Variants in MTFR1 observed in about 807,000 individuals in gnomAD.
MTFR1 encodes the protein mitochondrial fission regulator 1.
A neutral mutation model predicts 38.8 loss-of-function variants in MTFR1; 28 were observed. That is an observed-to-expected ratio of 0.72 (90% confidence interval 0.53 to 0.99). The LOEUF (loss-of-function observed/expected upper bound fraction) is 0.99. Ranked by LOEUF, MTFR1 falls within the 50% of genes least tolerant of loss-of-function variation. The probability of loss-of-function intolerance (pLI) is 0.00; values close to 1 mark genes in which losing one functional copy is unlikely to be tolerated. For missense variants in MTFR1, 358 were observed against 395.5 expected (o/e 0.91, Z 0.81); for synonymous variants, 145 against 137.0 (o/e 1.06, Z -0.41).
At chr8:65,680,470 C>G (rs1240023515) in intron 2 of MTFR1, among the ~76,000 whole-genome samples, 1 of 152,110 alleles carries the variant, frequency 6.6e-6, no homozygotes, top group Non-Finnish European at 1.5e-5. Context: ...CAGCCCTGAA[C>G]CCCACACTGA....
At chr8:65,703,124 C>T (rs902394359) in intron 4 of MTFR1, among the ~76,000 whole-genome samples, 19 of 150,784 alleles carry the variant, frequency 1.3e-4, no homozygotes, top group Admixed American at 3.3e-4. Context: ...AAATATCAGG[C>T]CTGCATAATA....
At chr8:65,674,448 C>T (rs2129052071) in intron 2 of MTFR1, among the ~76,000 whole-genome samples, 1 of 151,522 alleles carries the variant, frequency 6.6e-6, no homozygotes, top group South Asian at 2.1e-4. Context: ...ACGATCTCTA[C>T]AAAAATTACA....
intron 3 of MTFR1, among the ~76,000 whole-genome samples, chr8:65,720,021 G>A (rs1806308387): frequency 6.6e-6 from 1 of 152,150 alleles, no homozygotes; most frequent in South Asian, 2.1e-4. Flanking sequence ...ATTTATAAAG[G>A]CAAAACTTAT....
intron 3 of MTFR1, among the ~76,000 whole-genome samples, chr8:65,729,329 G>T (rs1169917769): frequency 7.4e-6 from 1 of 134,246 alleles, no homozygotes; most frequent in African/African-American, 2.8e-5. Context: ...ATTTCCCATT[G>T]TAATGGTTAT....
At chr8:65,662,936 A>T (rs1021792869) in intron 1 of MTFR1, among the ~76,000 whole-genome samples, 2 of 141,940 alleles carry the variant, frequency 1.4e-5, no homozygotes, top group African/African-American at 5.3e-5. Context: ...CTGGCCAGCC[A>T]CCCCGTCCGG....
upstream of MTFR1, among the ~76,000 whole-genome samples, chr8:65,644,550 T>G (rs1808893941): frequency 6.6e-6 from 1 of 152,318 alleles, no homozygotes; most frequent in Non-Finnish European, 1.5e-5. Context: ...CACACGCCCC[T>G]CTCAGAGCTC....
At chr8:65,757,774 A>G (rs1195714767) in intron 3 of MTFR1, among the ~76,000 whole-genome samples, 1 of 151,956 alleles carries the variant, frequency 6.6e-6, no homozygotes, top group African/African-American at 2.4e-5. Context: ...GTGTGCCACC[A>G]CGCCCGGCTA....
At chr8:65,689,539 T>C (rs1211032894) in intron 3 of MTFR1, 1 of 1,248,810 alleles carries the variant, frequency 8.0e-7, no homozygotes, top group South Asian at 1.4e-5. Context: ...TCTCTTCACT[T>C]TTTTTTTCTT....
chr8:65,715,134 T>A (rs543465090), downstream of MTFR1, among the ~76,000 whole-genome samples: 4 of 152,328 alleles, frequency 2.6e-5, no homozygotes, highest in South Asian at 8.3e-4. Context: ...AATTTTGCAT[T>A]CTGTTCTGTA....
downstream of MTFR1, among the ~76,000 whole-genome samples, chr8:65,775,722 G>C (rs1809241618): frequency 2.0e-5 from 3 of 152,172 alleles, no homozygotes; most frequent in South Asian, 6.2e-4. Flanking sequence ...CCGCCTCCCA[G>C]GTTCGAGTGA....
chr8:65,728,748 T>C (rs987403990), intron 3 of MTFR1: 8 of 152,122 alleles, frequency 5.3e-5, no homozygotes, highest in African/African-American at 1.9e-4. Flanking sequence ...TGCAAAGGGG[T>C]TACATTCTTA....
At chr8:65,767,363 C>T (rs1808843123) in intron 3 of MTFR1, among the ~76,000 whole-genome samples, 1 of 152,204 alleles carries the variant, frequency 6.6e-6, no homozygotes, top group East Asian at 1.9e-4. Flanking sequence ...GTCCTTCTAT[C>T]AGGTTGAATA....
rs763599620 is a variant in MTFR1 at position 65,708,988 on chromosome 8, A to T, written c.946A>T (p.Met316Leu). ...TSERVLFGPHMLKPTGKMKAL... is the reference protein window; with the variant it reads ...TSERVLFGPHLLKPTGKMKAL... The stretch of plus-strand genomic sequence containing the variant: ...TGTTTGTTTCTAGTTTGGGCCACAC[A>T]TGTTGAAGCCAACAGGAAAAATGAA... The change falls in exon 8 of 8, where the codon ATG becomes TTG. Residue 316 changes from methionine to leucine, a missense_variant. Met to Leu is a conservative substitution (Grantham distance 15). Coordinates refer to ENST00000262146, the MANE Select transcript of MTFR1 (RefSeq NM_014637.4). 1 of 1,613,980 alleles carries T rather than the reference A, an allele frequency of 6.2e-7. No homozygotes were observed. Among genetic ancestry groups the T allele is most frequent in the East Asian group, 2.2e-5 (1 of 44,882 alleles).
intron 3 of MTFR1, among the ~76,000 whole-genome samples, chr8:65,764,667 T>C (rs191691442): frequency 6.6e-6 from 1 of 152,274 alleles, no homozygotes; most frequent in African/African-American, 2.4e-5. Context: ...TGAGATAAAC[T>C]AAGACAATAT....
upstream of MTFR1, among the ~76,000 whole-genome samples, chr8:65,644,396 T>TA (rs749002896): frequency 5.3e-5 from 8 of 152,194 alleles, no homozygotes; most frequent in Non-Finnish European, 8.8e-5. Context: ...AACAAAAGCT[T>TA]ACGACTCGCA....
At chr8:65,741,482 G>A (rs969496803) in intron 3 of MTFR1, among the ~76,000 whole-genome samples, 2 of 152,180 alleles carry the variant, frequency 1.3e-5, no homozygotes, top group East Asian at 1.9e-4. Context: ...ATTAATTGGA[G>A]CATTATTTGC....
At chr8:65,732,886 G>T (rs1035225844) in intron 3 of MTFR1, among the ~76,000 whole-genome samples, 3 of 150,316 alleles carry the variant, frequency 2.0e-5, no homozygotes, top group African/African-American at 7.4e-5. Flanking sequence ...ATCTTTTTTT[G>T]AATAAAAGAG....
chr8:65,734,131 GCTCA>G (rs990617191), intron 3 of MTFR1, among the ~76,000 whole-genome samples: 37 of 152,102 alleles, frequency 2.4e-4, no homozygotes, highest in African/African-American at 7.7e-4. Context: ...CCAAAATGGT[GCTCA>G]CTGTCTCTAC....
intron 4 of MTFR1, among the ~76,000 whole-genome samples, chr8:65,696,950 C>T (rs1002822475): frequency 2.1e-5 from 3 of 145,898 alleles, no homozygotes; most frequent in East Asian, 2.1e-4. Flanking sequence ...TGTGAGCCAC[C>T]GTGCCTGGCC....
Sources: allele counts gnomAD v4.1 joint callset (sites outside exome capture counted in the v4.1 genomes callset), GRCh38; gene constraint gnomAD v4.1.1; transcripts MANE v1.5; gene names NCBI Gene and HGNC (gene_info 2026-07-23, HGNC 2026-07-21).